The following SMPD3 variants were observed in gnomAD, a reference collection of about 807,000 sequenced individuals.
SMPD3 encodes sphingomyelin phosphodiesterase 3.
Under a neutral mutation model 55.7 loss-of-function variants are expected in SMPD3, and 21 were observed. The ratio of observed to expected loss-of-function variants is 0.38; its 90% confidence interval spans 0.27 to 0.54. The LOEUF is 0.54. Ranked by LOEUF, SMPD3 falls within the 20% of genes least tolerant of loss-of-function variation. The pLI, the probability that SMPD3 is intolerant of heterozygous loss-of-function variation, is 0.80. For missense variants in SMPD3, 842 were observed against 899.6 expected, an observed-to-expected ratio of 0.94 and a Z score of 0.82; for synonymous variants, 457 against 404.3, an observed-to-expected ratio of 1.13 and a Z score of -1.56.
intron 1 of SMPD3, among the ~76,000 whole-genome samples, chr16:68,419,876 T>A (rs1426511516): frequency 6.6e-6 from 1 of 152,100 alleles, no homozygotes; most frequent in African/African-American, 2.4e-5. Flanking sequence ...CACCTATCAC[T>A]AATTGTGGGA....
At position 68,447,087 on chromosome 16, in the gene SMPD3, C is replaced by G. The variant is rs1056801448; in HGVS notation, c.-269+1266G>C. ...TGCCCGCGCCGCGCCCGAAGCCCCCCCTCCGCGGCCGCGCCCCCCGCCCAG... is the reference window on the plus strand; with the variant it reads ...TGCCCGCGCCGCGCCCGAAGCCCCCGCTCCGCGGCCGCGCCCCCCGCCCAG... On this transcript the variant is annotated intron_variant, in intron 1 of 8. Coordinates refer to ENST00000219334, the MANE Select transcript of SMPD3 (RefSeq NM_018667.4). The surrounding 1 kb of genome is among the most constrained non-coding windows in gnomAD (Gnocchi z 5.1). Among the ~76,000 whole-genome samples, 12 of 151,990 alleles carry G rather than the reference C, an allele frequency of 7.9e-5. No individual in the cohort carries two copies. Among genetic ancestry groups the G allele is most frequent in the African/African-American group, 2.6e-4 (11 of 41,512 alleles).
chr16:68,429,541 A>T (rs1797892561), intron 1 of SMPD3, among the ~76,000 whole-genome samples: 1 of 152,202 alleles, frequency 6.6e-6, no homozygotes, highest in South Asian at 2.1e-4. Context: ...TGAGGGCAGA[A>T]AAAAGGAGCT....
At position 68,359,039 on chromosome 16, in the gene SMPD3, C is replaced by G. The variant is rs973894598; in HGVS notation, c.*2167G>C. The G allele has an allele frequency of 2.6e-5, 4 of 152,642 alleles. No individual in the cohort carries two copies. The highest frequency in any genetic ancestry group is 9.6e-5 in the African/African-American group (4 of 41,456). 9.5% of individuals were successfully genotyped at this position (152,642 alleles called of 1,614,324 possible). ...ATGACAGAAAATGACTTGCCTAAGG[C>G]CGCCTGTGAGGTGGGAGGGGAGGAG... On this transcript the variant is annotated 3_prime_UTR_variant, in exon 9 of 9. Transcript: ENST00000219334.
intron 2 of SMPD3, among the ~76,000 whole-genome samples, chr16:68,377,853 G>A (rs1355816142): frequency 6.6e-6 from 1 of 152,228 alleles, no homozygotes; most frequent in Non-Finnish European, 1.5e-5. Context: ...TCTGGTGGTG[G>A]GAAAGTGAAC....
intron 1 of SMPD3, among the ~76,000 whole-genome samples, chr16:68,443,126 T>G (rs1394314885): frequency 6.6e-6 from 1 of 152,212 alleles, no homozygotes; most frequent in African/African-American, 2.4e-5. Flanking sequence ...AACCGGCCCC[T>G]GTGTGTGTTG....
At chr16:68,364,716 G>A (rs1018677918) in intron 5 of SMPD3, 35 bp downstream of exon 5, 13 of 1,592,578 alleles carry the variant, frequency 8.2e-6, no homozygotes, top group African/African-American at 6.7e-5. Flanking sequence ...CCTCCCCAGA[G>A]CTGGAGACCT....
At chr16:68,377,560 G>A (rs896318162) in intron 2 of SMPD3, among the ~76,000 whole-genome samples, 1 of 152,214 alleles carries the variant, frequency 6.6e-6, no homozygotes, top group African/African-American at 2.4e-5. Context: ...CTGAGCCAGA[G>A]CCCCCCTCCC....
chr16:68,377,509 G>A (rs555780891), intron 2 of SMPD3, among the ~76,000 whole-genome samples: 23 of 152,312 alleles, frequency 1.5e-4, no homozygotes, highest in Admixed American at 3.3e-4. Context: ...GAGGCATCAC[G>A]GCACGGACAG....
At chr16:68,388,556 G>A (rs1021417165) in intron 1 of SMPD3, among the ~76,000 whole-genome samples, 1 of 152,088 alleles carries the variant, frequency 6.6e-6, no homozygotes, top group African/African-American at 2.4e-5. Context: ...TCTCATCCCT[G>A]AGTGAGAAGT....
At chr16:68,406,578 A>G (rs973960208) in intron 1 of SMPD3, among the ~76,000 whole-genome samples, 2 of 152,168 alleles carry the variant, frequency 1.3e-5, no homozygotes, top group Non-Finnish European at 2.9e-5. Context: ...CTGAGCCCCA[A>G]ATAGCTCCGT....
At chr16:68,417,358 C>T (rs887882668) in intron 1 of SMPD3, among the ~76,000 whole-genome samples, 3 of 152,170 alleles carry the variant, frequency 2.0e-5, no homozygotes, top group South Asian at 4.1e-4. Flanking sequence ...ACAGCTATCC[C>T]GACTCAGCTA....
chr16:68,420,859 A>G (rs1343335742), intron 1 of SMPD3, among the ~76,000 whole-genome samples: 1 of 152,210 alleles, frequency 6.6e-6, no homozygotes, highest in East Asian at 1.9e-4. Flanking sequence ...GGGGGCCCTG[A>G]ACCCACTTCA....
chr16:68,361,839 TCTC>T, intron 7 of SMPD3, 80 bp from the exon 8 acceptor site: 3 of 1,336,012 alleles, frequency 2.2e-6, no homozygotes, highest in East Asian at 2.9e-5. Context: ...GGAGCCATGG[TCTC>T]CTCCCAGTGT....
rs1310222020 is a variant in SMPD3, at chr16:68,360,599, A to T, written c.*607T>A. ...AAATGTAATTGCCCTTGAATGCGAG[A>T]CCCTGGGAAGAGCCCTGGGCTGGCT... On this transcript the variant is annotated 3_prime_UTR_variant, in exon 9 of 9. Transcript: ENST00000219334. 1 of 153,016 alleles carries T rather than the reference A, an allele frequency of 6.5e-6. No homozygotes were observed. The highest frequency in any genetic ancestry group is 1.5e-5 in the Non-Finnish European group (1 of 68,372). The allele number at this position is 153,016 out of a possible 1,614,324, so 9.5% of individuals were successfully genotyped here. A position where few individuals can be genotyped will look rare whatever the true frequency, so the allele number is the denominator to read the frequency against.
chr16:68,443,801 A>C (rs1329742571), intron 1 of SMPD3, among the ~76,000 whole-genome samples: 1 of 152,238 alleles, frequency 6.6e-6, no homozygotes, highest in Non-Finnish European at 1.5e-5. Flanking sequence ...AGAATAATCC[A>C]ATAGTTCAGT....
At position 68,436,474 on chromosome 16, in the gene SMPD3, A is replaced by G. The variant is rs143426627; in HGVS notation, c.-269+11879T>C. Among the ~76,000 whole-genome samples, 22 of 152,228 alleles carry G rather than the reference A, an allele frequency of 1.4e-4. No homozygotes were observed. In the East Asian group the frequency reaches 3.7e-3, roughly 25 times the overall value. ...TATCTTATCTCACTGCACTGTAATT[A>G]TCTATCTCTGTCTTCCTTCTAGGAC... On this transcript the variant is annotated intron_variant, in intron 1 of 8. Coordinates refer to ENST00000219334, the MANE Select transcript of SMPD3 (RefSeq NM_018667.4).
intron 1 of SMPD3, among the ~76,000 whole-genome samples, chr16:68,389,360 A>T (rs2090091340): frequency 6.6e-6 from 1 of 152,206 alleles, no homozygotes; most frequent in Non-Finnish European, 1.5e-5. Context: ...GTGACCCCTG[A>T]TGGATGTGCA....
chr16:68,427,568 AAACTG>A (rs2090445938), intron 1 of SMPD3, among the ~76,000 whole-genome samples: 1 of 152,332 alleles, frequency 6.6e-6, no homozygotes, highest in African/African-American at 2.4e-5. Flanking sequence ...GGTGACTGAG[AAACTG>A]AATTTTTAAT....
chr16:68,375,988 C>G (rs2089803447), intron 2 of SMPD3, among the ~76,000 whole-genome samples: 1 of 152,194 alleles, frequency 6.6e-6, no homozygotes, highest in African/African-American at 2.4e-5. Context: ...TGTGTGCGGC[C>G]CCTGCCTCTG....
Sources: gnomAD v4.1 joint callset for allele counts (sites outside exome capture counted in the v4.1 genomes callset) on GRCh38, gnomAD v4.1.1 for gene constraint, Gnocchi (gnomAD v3.1) non-coding constraint, MANE v1.5 for transcripts, NCBI Gene and HGNC (gene_info 2026-07-23, HGNC 2026-07-21) for gene names.